ARHGAP24: variants seen among roughly 807,000 people sequenced by gnomAD.
ARHGAP24 encodes rho GTPase-activating protein 24.
ARHGAP24 carries 50 observed loss-of-function variants against 76.4 expected under a neutral mutation model. That is an observed-to-expected ratio of 0.65 (90% CI 0.52 to 0.83). ARHGAP24 has a LOEUF of 0.83. Ranked by LOEUF, ARHGAP24 falls within the 40% of genes least tolerant of loss-of-function variation. The probability of loss-of-function intolerance (pLI) is 0.00; values close to 1 mark genes in which losing one functional copy is unlikely to be tolerated. For synonymous variants in ARHGAP24, 345 were observed against 323.3 expected, an observed-to-expected ratio of 1.07 and a Z score of -0.72; for missense variants, 930 against 914.2, an observed-to-expected ratio of 1.02 and a Z score of -0.22.
intron 3 of ARHGAP24, among the ~76,000 whole-genome samples, chr4:85,760,578 T>C (rs1467257875): frequency 3.3e-5 from 5 of 152,078 alleles, no homozygotes; most frequent in Non-Finnish European, 7.4e-5. Context: ...ACAGGAAAAG[T>C]GGGGAATAGG....
chr4:85,783,182 AC>A (rs1014024377), intron 3 of ARHGAP24, among the ~76,000 whole-genome samples: 35 of 151,974 alleles, frequency 2.3e-4, no homozygotes, highest in African/African-American at 7.7e-4. Flanking sequence ...TTATTCTATA[AC>A]CCCCCTCCTT....
intron 1 of ARHGAP24, among the ~76,000 whole-genome samples, 151 bp from the exon 2 acceptor site, chr4:85,570,370 CT>C (rs1419433085): frequency 6.2e-4 from 1 of 1,620 alleles, no homozygotes; most frequent in East Asian, 0.028. Context: ...CTTTCTCTTT[CT>C]TTCTTTCTTT....
At chr4:85,709,647 G>A (rs1328147616) in intron 2 of ARHGAP24, among the ~76,000 whole-genome samples, 1 of 151,974 alleles carries the variant, frequency 6.6e-6, no homozygotes, top group Non-Finnish European at 1.5e-5. Context: ...AATAAATAAG[G>A]AAATCTCCTT....
intron 2 of ARHGAP24, among the ~76,000 whole-genome samples, chr4:85,690,770 T>C (rs953451241): frequency 3.1e-4 from 47 of 151,666 alleles, no homozygotes; most frequent in Non-Finnish European, 6.2e-4. Flanking sequence ...TTTTTTTTTT[T>C]TTATTTCATG....
At chr4:85,572,881 T>C (rs1288549418) in intron 2 of ARHGAP24, among the ~76,000 whole-genome samples, 1 of 144,756 alleles carries the variant, frequency 6.9e-6, no homozygotes, top group Admixed American at 6.8e-5. Flanking sequence ...TTTCTTTTTT[T>C]TTTTTTTTTT....
At chr4:85,646,796 G>A (rs1335318759) in intron 2 of ARHGAP24, among the ~76,000 whole-genome samples, 1 of 152,048 alleles carries the variant, frequency 6.6e-6, no homozygotes, top group African/African-American at 2.4e-5. Flanking sequence ...GGGAAATTGA[G>A]GGTGCTTGCT....
At chr4:85,850,423 G>T (rs1731159049) in intron 3 of ARHGAP24, among the ~76,000 whole-genome samples, 2 of 151,888 alleles carry the variant, frequency 1.3e-5, no homozygotes, top group South Asian at 2.1e-4. Flanking sequence ...TGATTTTTTT[G>T]AAGGGTTTTT....
intron 7 of ARHGAP24, among the ~76,000 whole-genome samples, chr4:85,976,970 G>C (rs540884649): frequency 6.6e-6 from 1 of 151,788 alleles, no homozygotes; most frequent in Non-Finnish European, 1.5e-5. Context: ...TTTTTTAGTA[G>C]AGATGGGGTT....
chr4:85,889,847 G>A (rs143963149), intron 3 of ARHGAP24, among the ~76,000 whole-genome samples: 143 of 151,962 alleles, frequency 9.4e-4, no homozygotes, highest in African/African-American at 3.4e-3. Context: ...CCCCCTAAAC[G>A]CCTTATCTAT....
chr4:85,495,842 CCTT>C (rs1439570399), intron 1 of ARHGAP24, among the ~76,000 whole-genome samples: 1 of 152,082 alleles, frequency 6.6e-6, no homozygotes, highest in Non-Finnish European at 1.5e-5. Flanking sequence ...AGCTGTCTCT[CCTT>C]AGCTGTAATT....
chr4:85,522,458 A>G (rs887208890), intron 1 of ARHGAP24, among the ~76,000 whole-genome samples: 1 of 152,196 alleles, frequency 6.6e-6, no homozygotes, highest in Non-Finnish European at 1.5e-5. Flanking sequence ...TAGTAGTTGC[A>G]GTAGGAGTAG....
chr4:85,675,415 G>A (rs1722947523), intron 2 of ARHGAP24, among the ~76,000 whole-genome samples: 1 of 152,204 alleles, frequency 6.6e-6, no homozygotes, highest in Admixed American at 6.5e-5. Context: ...AGTGGCATTA[G>A]CAGGCCAGAA....
At chr4:85,883,700 A>G (rs1250262650) in intron 3 of ARHGAP24, among the ~76,000 whole-genome samples, 1 of 152,202 alleles carries the variant, frequency 6.6e-6, no homozygotes, top group Non-Finnish European at 1.5e-5. Context: ...GGATGGTGAG[A>G]GTTTCTGGAG....
intron 1 of ARHGAP24, among the ~76,000 whole-genome samples, chr4:85,564,457 G>A (rs893043259): frequency 1.2e-4 from 9 of 76,280 alleles, no homozygotes; most frequent in Non-Finnish European, 2.5e-4. Context: ...CGAGTTAATG[G>A]GTGCAGCACA....
intron 3 of ARHGAP24, among the ~76,000 whole-genome samples, chr4:85,845,086 G>C (rs1730804863): frequency 1.3e-5 from 2 of 152,136 alleles, no homozygotes; most frequent in African/African-American, 2.4e-5. Context: ...TGAAGCAATA[G>C]TACACATTAC....
At chr4:85,736,893 A>T (rs891472844) in intron 3 of ARHGAP24, among the ~76,000 whole-genome samples, 1 of 152,182 alleles carries the variant, frequency 6.6e-6, no homozygotes, top group African/African-American at 2.4e-5. Context: ...AAACTATCCC[A>T]CTAGTCTACC....
intron 2 of ARHGAP24, among the ~76,000 whole-genome samples, chr4:85,718,222 A>G (rs1724803627): frequency 6.6e-6 from 1 of 152,164 alleles, no homozygotes; most frequent in African/African-American, 2.4e-5. Context: ...GAGGATGTTA[A>G]AGTATGTATA....
At chr4:85,531,359 A>C (rs895723714) in intron 1 of ARHGAP24, among the ~76,000 whole-genome samples, 6 of 152,062 alleles carry the variant, frequency 3.9e-5, no homozygotes, top group African/African-American at 1.4e-4. Context: ...TGAAGGAATA[A>C]GTGAGCAATA....
intron 3 of ARHGAP24, among the ~76,000 whole-genome samples, chr4:85,858,982 CAATCTGTAT>C (rs1029208353): frequency 1.1e-4 from 17 of 151,898 alleles, no homozygotes; most frequent in African/African-American, 3.9e-4. Flanking sequence ...ACATATAAAG[CAATCTGTAT>C]AATCTGTATA....
Sources: allele counts gnomAD v4.1 joint callset (sites outside exome capture counted in the v4.1 genomes callset), GRCh38; gene constraint gnomAD v4.1.1; transcripts MANE v1.5; gene names NCBI Gene and HGNC (gene_info 2026-07-23, HGNC 2026-07-21).